The following LCOR variants were observed in gnomAD, a reference collection of about 807,000 sequenced individuals.
The protein encoded by LCOR is ligand dependent nuclear receptor corepressor, also known as ligand-dependent corepressor.
A neutral mutation model predicts 64.4 loss-of-function variants in LCOR; 14 were observed. That is an observed-to-expected ratio of 0.22 (90% confidence interval 0.14 to 0.34). LCOR has a LOEUF of 0.34. Among genes scored for constraint, LCOR ranks in the 10% least tolerant of loss-of-function variants. The probability of loss-of-function intolerance (pLI) is 1.00; values close to 1 mark genes in which losing one functional copy is unlikely to be tolerated. For missense variants in LCOR, 1,686 were observed against 1,765.3 expected, an observed-to-expected ratio of 0.96 and a Z score of 0.80; for synonymous variants, 643 against 642.5, an observed-to-expected ratio of 1.00 and a Z score of -0.01.
chr10:96,976,542 C>T (rs533666622), intron 7 of LCOR, among the ~76,000 whole-genome samples: 10 of 152,310 alleles, frequency 6.6e-5, no homozygotes, highest in Admixed American at 3.9e-4. Context: ...GTTGTTGCTT[C>T]AGGGCTGGCT....
intron 2 of LCOR, among the ~76,000 whole-genome samples, chr10:96,869,324 T>C (rs1314269764): frequency 6.6e-6 from 1 of 151,858 alleles, no homozygotes; most frequent in Non-Finnish European, 1.5e-5. Flanking sequence ...GTGATTCTTG[T>C]GCCTCAGCCT....
At chr10:96,938,605 T>G (rs1431967598) in intron 4 of LCOR, among the ~76,000 whole-genome samples, 2 of 152,152 alleles carry the variant, frequency 1.3e-5, no homozygotes, top group Non-Finnish European at 2.9e-5. Context: ...GTCTTGGTTT[T>G]ACAGATGACA....
intron 7 of LCOR, among the ~76,000 whole-genome samples, chr10:96,953,225 T>G (rs1847712127): frequency 6.6e-6 from 1 of 152,042 alleles, no homozygotes; most frequent in Non-Finnish European, 1.5e-5. Context: ...TAAGTCAGCA[T>G]GTTCCCAAAT....
At chr10:96,890,956 A>T (rs1846429090) in intron 2 of LCOR, among the ~76,000 whole-genome samples, 2 of 151,980 alleles carry the variant, frequency 1.3e-5, no homozygotes, top group African/African-American at 4.8e-5. Context: ...TTTCTTGAGG[A>T]TTCTTGCATC....
chr10:96,966,215 G>A, intron 7 of LCOR, among the ~76,000 whole-genome samples: 1 of 140,434 alleles, frequency 7.1e-6, no homozygotes, highest in South Asian at 2.2e-4. Context: ...TCCCCCCAAA[G>A]GACTCTTTTT....
chr10:96,934,849 G>T (rs985570400), intron 4 of LCOR, among the ~76,000 whole-genome samples: 1 of 152,118 alleles, frequency 6.6e-6, no homozygotes, highest in Non-Finnish European at 1.5e-5. Flanking sequence ...TGAGCTGCTC[G>T]CCTCGGCCTC....
intron 2 of LCOR, among the ~76,000 whole-genome samples, chr10:96,862,512 C>T (rs370976786): frequency 1.1e-3 from 172 of 152,224 alleles, no homozygotes; most frequent in Non-Finnish European, 1.8e-3. Flanking sequence ...GTGATCCGCC[C>T]GCCTCAGCCT....
intron 2 of LCOR, among the ~76,000 whole-genome samples, chr10:96,843,938 CAA>C (rs1845582872): frequency 1.3e-5 from 2 of 152,142 alleles, no homozygotes; most frequent in Admixed American, 6.6e-5. Flanking sequence ...GTGTGACAGA[CAA>C]GAGACCTTTG....
intron 6 of LCOR, 48 bp downstream of exon 6, chr10:96,949,343 T>C: frequency 6.5e-7 from 1 of 1,542,672 alleles, no homozygotes; most frequent in South Asian, 1.2e-5. Context: ...AATACTTTAC[T>C]TTGGGGAGAA....
intron 2 of LCOR, among the ~76,000 whole-genome samples, chr10:96,843,886 TTGTAA>T (rs1490964197): frequency 1.3e-5 from 2 of 152,216 alleles, no homozygotes; most frequent in East Asian, 3.8e-4. Context: ...TTTTGTTTAC[TTGTAA>T]TGTTTCTTAA....
chr10:96,956,055 G>A, intron 7 of LCOR: 3 of 1,458,510 alleles, frequency 2.1e-6, no homozygotes, highest in Non-Finnish European at 2.7e-6. Context: ...TGACTTGTGT[G>A]TACAGAGATG....
At chr10:96,972,410 A>T (rs1459851504) in intron 7 of LCOR, among the ~76,000 whole-genome samples, 4 of 152,068 alleles carry the variant, frequency 2.6e-5, no homozygotes, top group Non-Finnish European at 5.9e-5. Flanking sequence ...TTTGTCAGAG[A>T]TGTCTGTTTT....
intron 2 of LCOR, among the ~76,000 whole-genome samples, chr10:96,877,801 C>T (rs575467875): frequency 8.6e-5 from 13 of 151,700 alleles, no homozygotes; most frequent in South Asian, 2.1e-4. Context: ...TTAGTAGAGA[C>T]GGGGTTTCAC....
chr10:96,833,203 T>G, intron 1 of LCOR: 3 of 983,334 alleles, frequency 3.1e-6, no homozygotes, highest in Non-Finnish European at 3.6e-6. Context: ...CGGGGGTCGC[T>G]CTCGTCCCCT....
rs145033816 is a variant in LCOR at position 96,957,442 on chromosome 10, C to T, written c.332+5246C>T. Reference sequence around the variant, plus strand: ...GCAAAGCCCATGGAATTTAATTTTTCATTGTGATCAGATTAAAATTACTAT... The same window carrying T: ...GCAAAGCCCATGGAATTTAATTTTTTATTGTGATCAGATTAAAATTACTAT... On this transcript the variant is annotated intron_variant, in intron 7 of 7. Transcript: ENST00000421806. The T allele has an allele frequency of 2.2e-3, 2,204 of 985,104 alleles. 3 individuals are homozygous for T. The highest frequency in any genetic ancestry group is 3.7e-3 in the Middle Eastern group (7 of 1,914). The allele number at this position is 985,104 out of a possible 1,614,324, so 61.0% of individuals were successfully genotyped here.
chr10:96,951,114 G>A (rs972836715), intron 6 of LCOR, among the ~76,000 whole-genome samples: 2 of 152,026 alleles, frequency 1.3e-5, no homozygotes, highest in African/African-American at 4.8e-5. Context: ...TAGATAGCAC[G>A]ACCCCTCTAC....
In LCOR at chr10:96,985,649, T is replaced by G. The variant is rs1236993578; in HGVS notation, c.*515T>G. 2 of 166,880 alleles carry G rather than the reference T, an allele frequency of 1.2e-5. No individual in the cohort carries two copies. The highest frequency in any genetic ancestry group is 4.8e-5 in the African/African-American group (2 of 41,450). 10.3% of individuals were successfully genotyped at this position (166,880 alleles called of 1,614,324 possible). ...GTCTTGTTTGTTTGTTTAGATGATG[T>G]TTGAAAGCTAAACCAAATCATTTTA... On this transcript the variant is annotated 3_prime_UTR_variant, in exon 8 of 8. Transcript: ENST00000421806.
At chr10:96,925,901 G>GAGTA (rs1847160067) in intron 4 of LCOR, among the ~76,000 whole-genome samples, 1 of 152,084 alleles carries the variant, frequency 6.6e-6, no homozygotes, top group East Asian at 1.9e-4. Flanking sequence ...AGGAAGACCT[G>GAGTA]TCCCTTTCCT....
chr10:96,946,336 TG>T (rs1282625418), intron 5 of LCOR, among the ~76,000 whole-genome samples: 2 of 152,080 alleles, frequency 1.3e-5, no homozygotes, highest in African/African-American at 4.8e-5. Context: ...AAATAATTTG[TG>T]TAAGGATTAT....
Sources: allele counts gnomAD v4.1 joint callset (sites outside exome capture counted in the v4.1 genomes callset), GRCh38; gene constraint gnomAD v4.1.1; transcripts MANE v1.5; gene names NCBI Gene and HGNC (gene_info 2026-07-23, HGNC 2026-07-21).